Variants in DOCK10 observed in about 807,000 individuals in gnomAD.
DOCK10 encodes the protein dedicator of cytokinesis 10.
In DOCK10, 145 loss-of-function variants were observed where a neutral mutation model predicts 280.1. The observed-to-expected ratio is 0.52, with a 90% CI of 0.45 to 0.59. The LOEUF is 0.59. DOCK10 is among the 20% of genes least tolerant of loss of function. The pLI, the probability that DOCK10 is intolerant of heterozygous loss-of-function variation, is 0.00. For missense variants in DOCK10, 2,368 were observed against 2,651.7 expected (o/e 0.89, Z 2.35); for synonymous variants, 915 against 942.2 (o/e 0.97, Z 0.53).
intron 1 of DOCK10, among the ~76,000 whole-genome samples, chr2:224,944,048 C>G (rs1349610228): frequency 6.6e-6 from 1 of 152,136 alleles, no homozygotes; most frequent in African/African-American, 2.4e-5. Context: ...CAGGCATAAG[C>G]CATCATGCCC....
At position 224,786,031 on chromosome 2, in the gene DOCK10, C is replaced by T. The variant is rs1028018696; in HGVS notation, c.5655+991G>A. ...CCAACATAATGAAACCCTGTCTCTA[C>T]TAAAAAATACAAAAATTAGCTGGGC... On this transcript the variant is annotated intron_variant, in intron 50 of 55. Coordinates refer to ENST00000258390, the MANE Select transcript of DOCK10 (RefSeq NM_014689.3). The surrounding 1 kb of genome is among the most constrained non-coding windows in gnomAD (Gnocchi z 4.7). Among the ~76,000 whole-genome samples the T allele has an allele frequency of 2.0e-5, 3 of 152,038 alleles. No homozygotes were observed. Among genetic ancestry groups the T allele is most frequent in the Admixed American group, 6.6e-5 (1 of 15,262 alleles).
At chr2:224,942,554 A>G (rs895231258) in intron 1 of DOCK10, among the ~76,000 whole-genome samples, 3 of 152,184 alleles carry the variant, frequency 2.0e-5, no homozygotes, top group African/African-American at 7.2e-5. Flanking sequence ...GCAACGCCCT[A>G]TGAATGGTTG....
chr2:224,938,448 T>C (rs1268633948), intron 1 of DOCK10, among the ~76,000 whole-genome samples: 1 of 152,184 alleles, frequency 6.6e-6, no homozygotes, highest in African/African-American at 2.4e-5. Flanking sequence ...CTAATTCTTT[T>C]TCAATTCTCT....
At chr2:224,870,290 A>G (rs968486608) in intron 11 of DOCK10, among the ~76,000 whole-genome samples, 1 of 152,222 alleles carries the variant, frequency 6.6e-6, no homozygotes, top group African/African-American at 2.4e-5. Flanking sequence ...CTGTGAGTCA[A>G]TTAAACCTCC....
At chr2:224,853,699 A>G (rs1456994411) in intron 16 of DOCK10, among the ~76,000 whole-genome samples, 1 of 152,176 alleles carries the variant, frequency 6.6e-6, no homozygotes, top group Non-Finnish European at 1.5e-5. Flanking sequence ...CCTTGGAGGA[A>G]CAGCTTAAGA....
chr2:225,009,261 T>C (rs923618329), intron 1 of DOCK10, among the ~76,000 whole-genome samples: 3 of 152,202 alleles, frequency 2.0e-5, no homozygotes, highest in Admixed American at 6.5e-5. Context: ...TTCGCTAAGA[T>C]GTAATATTCT....
At chr2:224,947,773 G>A (rs892876656) in intron 1 of DOCK10, among the ~76,000 whole-genome samples, 1 of 152,060 alleles carries the variant, frequency 6.6e-6, no homozygotes, top group Admixed American at 6.6e-5. Context: ...ACAACTGTAC[G>A]GTTTATTTAT....
chr2:224,816,551 G>A (rs924511440), intron 30 of DOCK10, 66 bp downstream of exon 30: 1 of 978,782 alleles, frequency 1.0e-6, no homozygotes, highest in Admixed American at 2.2e-5. Context: ...ATAAACAAAA[G>A]GTAAAACGAA....
At chr2:224,967,234 C>G (rs746610644) in intron 1 of DOCK10, among the ~76,000 whole-genome samples, 1 of 152,108 alleles carries the variant, frequency 6.6e-6, no homozygotes, top group East Asian at 1.9e-4. Context: ...GGCCCACCAC[C>G]ATGTCCGGCT....
chr2:224,867,206 C>A (rs1304058633), intron 11 of DOCK10, among the ~76,000 whole-genome samples: 2 of 152,170 alleles, frequency 1.3e-5, no homozygotes, highest in East Asian at 3.8e-4. Context: ...AGGGTTCATT[C>A]TAGCCTTTCC....
intron 55 of DOCK10, among the ~76,000 whole-genome samples, chr2:224,766,937 C>T (rs1471207224): frequency 6.6e-6 from 1 of 152,176 alleles, no homozygotes; most frequent in Non-Finnish European, 1.5e-5. Flanking sequence ...TTTATCTTGT[C>T]TTGTCTCGTT....
intron 42 of DOCK10, 129 bp downstream of exon 42, chr2:224,797,702 TA>T: frequency 8.8e-7 from 1 of 1,133,324 alleles, no homozygotes; most frequent in Non-Finnish European, 1.2e-6. Context: ...CAATGTCTAA[TA>T]AAACCCAAAT....
chr2:224,854,233 T>C (rs75841708), intron 16 of DOCK10, among the ~76,000 whole-genome samples: 24,184 of 151,614 alleles, frequency 0.16, 3,027 homozygotes, highest in African/African-American at 0.36. Context: ...TTTTTTTTTT[T>C]CACATTGCTG....
At chr2:224,793,892 A>G (rs934949569) in intron 45 of DOCK10, among the ~76,000 whole-genome samples, 1 of 152,200 alleles carries the variant, frequency 6.6e-6, no homozygotes. Flanking sequence ...TGTTGCCTTT[A>G]AAATGGTCAC....
chr2:224,769,116 T>G (rs556490548), intron 55 of DOCK10, among the ~76,000 whole-genome samples: 23 of 152,216 alleles, frequency 1.5e-4, no homozygotes, highest in African/African-American at 5.1e-4. Context: ...TCAAGTCATC[T>G]CTCCTGAGTA....
At chr2:224,766,541 C>A (rs1690086604) in intron 55 of DOCK10, among the ~76,000 whole-genome samples, 1 of 152,152 alleles carries the variant, frequency 6.6e-6, no homozygotes, top group Admixed American at 6.5e-5. Context: ...TCCTTATGAT[C>A]AATATCACAA....
chr2:224,814,390 C>T (rs1411299388), intron 30 of DOCK10, 26 bp from the exon 31 acceptor site: 4 of 1,343,302 alleles, frequency 3.0e-6, no homozygotes, highest in Non-Finnish European at 4.1e-6. Context: ...ATAAAAAGTT[C>T]AGATATATAC....
chr2:224,870,308 A>G (rs1222836872), intron 11 of DOCK10, among the ~76,000 whole-genome samples: 1 of 152,214 alleles, frequency 6.6e-6, no homozygotes, highest in African/African-American at 2.4e-5. Flanking sequence ...TCCTTCCTTT[A>G]TAAATTACAG....
rs1302491405 is a variant in DOCK10, at chr2:224,849,600, CTGTT to C, written c.2143-5_2143-2del. 3 of 1,594,618 alleles carry C rather than the reference CTGTT, an allele frequency of 1.9e-6. No individual in the cohort carries two copies. Among genetic ancestry groups the C allele is most frequent in the South Asian group, 1.1e-5 (1 of 88,138 alleles). Reference sequence around the variant, plus strand: ...GCCCTCCAGGTTTTCCATAAATACACTGTTTGAAAAGTTATGAGTTGAACAATTA... The same window carrying C: ...GCCCTCCAGGTTTTCCATAAATACACTGAAAAGTTATGAGTTGAACAATTA... On this transcript the variant is annotated splice_acceptor_variant and splice_polypyrimidine_tract_variant and intron_variant, in intron 18 of 55. Transcript: ENST00000258390. LOFTEE classifies it high-confidence loss of function.
Sources: gnomAD v4.1 joint callset for allele counts (sites outside exome capture counted in the v4.1 genomes callset) on GRCh38, gnomAD v4.1.1 for gene constraint, Gnocchi (gnomAD v3.1) non-coding constraint, MANE v1.5 for transcripts, NCBI Gene and HGNC (gene_info 2026-07-23, HGNC 2026-07-21) for gene names.